EYS: variants seen among roughly 807,000 people sequenced by gnomAD.
EYS encodes the protein protein eyes shut homolog.
EYS carries 250 observed loss-of-function variants against 282.1 expected under a neutral mutation model. The ratio of observed to expected loss-of-function variants is 0.89; its 90% confidence interval spans 0.80 to 0.98. The LOEUF (loss-of-function observed/expected upper bound fraction) is 0.98. Among genes scored for constraint, EYS ranks in the 50% least tolerant of loss-of-function variants. The probability of loss-of-function intolerance (pLI) is 0.00; values close to 1 mark genes in which losing one functional copy is unlikely to be tolerated. For synonymous variants in EYS, 1,355 were observed against 1,282.9 expected (o/e 1.06, Z -1.20); for missense variants, 4,016 against 3,709.0 (o/e 1.08, Z -2.15).
intron 31 of EYS, among the ~76,000 whole-genome samples, chr6:64,194,377 T>G (rs1765215569): frequency 6.6e-6 from 1 of 152,214 alleles, no homozygotes; most frequent in Non-Finnish European, 1.5e-5. Flanking sequence ...TCTTTACTAA[T>G]GTAAACATTC....
intron 29 of EYS, among the ~76,000 whole-genome samples, chr6:64,342,346 A>T: frequency 6.6e-6 from 1 of 152,066 alleles, no homozygotes; most frequent in East Asian, 1.9e-4. Context: ...AGGGAAGCCC[A>T]TCAGACTAAC....
At chr6:65,069,691 C>A (rs1384771973) in intron 12 of EYS, among the ~76,000 whole-genome samples, 1 of 151,890 alleles carries the variant, frequency 6.6e-6, no homozygotes, top group Non-Finnish European at 1.5e-5. Flanking sequence ...TGTATACATA[C>A]CTGAGTAAAC....
At position 65,126,081 on chromosome 6, in the gene EYS, C is replaced by T. The variant is rs371843066; in HGVS notation, c.2024-68354G>A. Among the ~76,000 whole-genome samples the T allele has an allele frequency of 3.1e-4, 47 of 152,244 alleles. No individual in the cohort carries two copies. The East Asian group carries it at 8.5e-3, about 28-fold the overall frequency. ...TTGTGAATTGGACACTCTAGTGAGA[C>T]ACCAACAAGTCAGGGTTTTGTTTCT... On this transcript the variant is annotated intron_variant, in intron 12 of 42. Coordinates refer to ENST00000503581, the MANE Select transcript of EYS (RefSeq NM_001142800.2).
intron 30 of EYS, among the ~76,000 whole-genome samples, chr6:64,293,304 A>G (rs1248728288): frequency 6.6e-6 from 1 of 152,152 alleles, no homozygotes; most frequent in Admixed American, 6.5e-5. Context: ...GTATAAAAAC[A>G]TGTTATATGC....
chr6:64,016,866 T>A (rs899803719), intron 33 of EYS, among the ~76,000 whole-genome samples: 2 of 152,158 alleles, frequency 1.3e-5, no homozygotes, highest in Admixed American at 1.3e-4. Context: ...GACTAATTAT[T>A]TAGCTTAACT....
At chr6:63,960,955 A>G (rs1766031530) in intron 35 of EYS, among the ~76,000 whole-genome samples, 1 of 152,206 alleles carries the variant, frequency 6.6e-6, no homozygotes, top group Non-Finnish European at 1.5e-5. Context: ...ATGTCTGTAA[A>G]TAACCTCATC....
At chr6:64,108,923 T>C (rs751305994) in intron 31 of EYS, among the ~76,000 whole-genome samples, 10 of 152,114 alleles carry the variant, frequency 6.6e-5, no homozygotes, top group Non-Finnish European at 1.3e-4. Context: ...TAAATACAAC[T>C]CTATGGTTAC....
intron 22 of EYS, among the ~76,000 whole-genome samples, chr6:64,707,297 G>T (rs1404115897): frequency 6.6e-6 from 1 of 152,114 alleles, no homozygotes; most frequent in East Asian, 1.9e-4. Context: ...TAAGCTCTGA[G>T]GATGCAAAGG....
At position 65,024,691 on chromosome 6, in the gene EYS, T is replaced by C. The variant is rs532676004; in HGVS notation, c.2138-26988A>G. 2.6e-5 allele frequency among the ~76,000 whole-genome samples: 4 copies of C among 152,336 alleles called. No individual in the cohort carries two copies. In the South Asian group the frequency reaches 8.3e-4, roughly 32 times the overall value. On this transcript the variant is annotated intron_variant, in intron 13 of 42. Coordinates refer to ENST00000503581, the MANE Select transcript of EYS (RefSeq NM_001142800.2). ...TGGAAATAATAGGTTTTGATAAATA[T>C]GATTCCATTGTTTAATTCTTCAGAT...
chr6:64,711,504 C>T (rs1172995918), intron 22 of EYS, among the ~76,000 whole-genome samples: 2 of 152,150 alleles, frequency 1.3e-5, no homozygotes, highest in African/African-American at 4.8e-5. Flanking sequence ...GGTCAAATTA[C>T]TCTGCTATGA....
At chr6:65,312,682 C>A (rs1010193725) in intron 11 of EYS, among the ~76,000 whole-genome samples, 10 of 152,134 alleles carry the variant, frequency 6.6e-5, no homozygotes, top group African/African-American at 2.4e-4. Flanking sequence ...TTATCTCAGG[C>A]CCCCAACAAC....
intron 22 of EYS, among the ~76,000 whole-genome samples, chr6:64,654,045 T>C (rs1227917052): frequency 1.3e-5 from 2 of 152,200 alleles, no homozygotes; most frequent in Admixed American, 6.5e-5. Context: ...CTATATTCCT[T>C]TTTCTGCATT....
At chr6:64,459,457 T>C (rs1053192558) in intron 26 of EYS, among the ~76,000 whole-genome samples, 1 of 152,170 alleles carries the variant, frequency 6.6e-6, no homozygotes, top group African/African-American at 2.4e-5. Flanking sequence ...GGGATTTTAT[T>C]AGGAGAATTA....
At chr6:64,816,766 G>C (rs1268813493) in intron 21 of EYS, among the ~76,000 whole-genome samples, 3 of 152,004 alleles carry the variant, frequency 2.0e-5, no homozygotes, top group Non-Finnish European at 4.4e-5. Context: ...GGTCTTAAAA[G>C]TAGTGCTAAT....
chr6:64,306,882 C>G (rs187708082), intron 30 of EYS, 88 bp downstream of exon 30: 21 of 707,492 alleles, frequency 3.0e-5, no homozygotes, highest in African/African-American at 9.0e-5. Context: ...TATAGTGCAG[C>G]CTTCATTAGA....
At chr6:64,850,709 A>T (rs1765857279) in intron 19 of EYS, among the ~76,000 whole-genome samples, 1 of 152,108 alleles carries the variant, frequency 6.6e-6, no homozygotes, top group Non-Finnish European at 1.5e-5. Flanking sequence ...TTAAGCATGA[A>T]GGTAACATAA....
chr6:63,809,003 G>A (rs903122065), intron 36 of EYS, among the ~76,000 whole-genome samples: 6 of 152,132 alleles, frequency 3.9e-5, no homozygotes, highest in East Asian at 1.9e-4. Flanking sequence ...GAATGGCAAC[G>A]CAGAGAGATC....
At chr6:64,763,281 C>T (rs1773220594) in intron 22 of EYS, among the ~76,000 whole-genome samples, 1 of 152,156 alleles carries the variant, frequency 6.6e-6, no homozygotes, top group Non-Finnish European at 1.5e-5. Flanking sequence ...AATTCACTCA[C>T]TGTTCTACAG....
chr6:65,594,533 T>C (rs1765340508), intron 2 of EYS, among the ~76,000 whole-genome samples: 1 of 152,122 alleles, frequency 6.6e-6, no homozygotes, highest in Non-Finnish European at 1.5e-5. Flanking sequence ...TCTTATTTAA[T>C]ATCTCTTAGC....
Sources: gnomAD v4.1 joint callset for allele counts (sites outside exome capture counted in the v4.1 genomes callset) on GRCh38, gnomAD v4.1.1 for gene constraint, MANE v1.5 for transcripts, NCBI Gene and HGNC (gene_info 2026-07-23, HGNC 2026-07-21) for gene names.